Variants in TTN observed in about 807,000 individuals in gnomAD.
The protein encoded by TTN is titin.
A neutral mutation model predicts 3,223.0 loss-of-function variants in TTN; 1,525 were observed. That is an observed-to-expected ratio of 0.47 (90% confidence interval 0.45 to 0.49). The LOEUF is 0.49. Among genes scored for constraint, TTN ranks in the 20% least tolerant of loss-of-function variants. The pLI, the probability that TTN is intolerant of heterozygous loss-of-function variation, is 0.00. For synonymous variants in TTN, 14,094 were observed against 15,161.0 expected (o/e 0.93, Z 5.17); for missense variants, 40,786 against 43,424.0 (o/e 0.94, Z 5.40).
Position 178,578,051 on chromosome 2 carries a change from T to C in TTN, c.68464A>G (p.Asn22822Asp), listed in dbSNP as rs1002696442. Residue 22822 changes from asparagine (N) to aspartate (D), a missense_variant, in exon 322 of 363, where the codon AAT (asparagine) becomes GAT (aspartate). Asn to Asp is a conservative substitution (Grantham distance 23). Coordinates refer to ENST00000589042, the MANE Select transcript of TTN (RefSeq NM_001267550.2). Reference protein sequence around the residue: ...LEYEFRVMAINLAGVGKPSLP... With the variant: ...LEYEFRVMAIDLAGVGKPSLP... ...CTTGGCTTGCCCACACCTGCTAAATTGATTGCCATAACTCGGAATTCATAT... is the reference window on the plus strand; with the variant it reads ...CTTGGCTTGCCCACACCTGCTAAATCGATTGCCATAACTCGGAATTCATAT... The C allele has an allele frequency of 6.2e-7, 1 of 1,613,270 alleles. No homozygotes were observed. Among genetic ancestry groups the C allele is most frequent in the Non-Finnish European group, 8.5e-7 (1 of 1,179,484 alleles).
In TTN at chr2:178,715,213, G is replaced by A; in HGVS notation, c.25973C>T (p.Ala8658Val). The A allele has an allele frequency of 1.2e-6, 2 of 1,613,640 alleles. No homozygotes were observed. Among genetic ancestry groups the A allele is most frequent in the Non-Finnish European group, 1.7e-6 (2 of 1,179,674 alleles). Reference sequence around the variant, plus strand: ...AAGCTCACATTCAAGGTGAACATCAGCTCCTTTCAGTGTCTCTATAGGATG... The same window carrying A: ...AAGCTCACATTCAAGGTGAACATCAACTCCTTTCAGTGTCTCTATAGGATG... ...KPHPIETLKG[A>V]DVHLECELQG... Residue 8658 changes from alanine to valine, a missense_variant, in exon 90 of 363, where the codon GCT (alanine) becomes GTT (valine). Transcript: ENST00000589042.
At position 178,634,452 on chromosome 2, in the gene TTN, A is replaced by G. The variant is rs34706299; in HGVS notation, c.42329T>C (p.Val14110Ala). Reference protein sequence around the residue: ...IIADGKKHILVINDSQFDDEG... With the variant: ...IIADGKKHILAINDSQFDDEG... Reference sequence around the variant, plus strand: ...ATCATCAAATTGAGAATCATTAATAACAAGAATATGTTTCTTTCCATCAGC... The same window carrying G: ...ATCATCAAATTGAGAATCATTAATAGCAAGAATATGTTTCTTTCCATCAGC... Residue 14110 changes from valine (V) to alanine (A), a missense_variant, in exon 230 of 363, where the codon GTT becomes GCT. Physicochemically the swap from Val to Ala is moderately conservative, Grantham distance 64. Coordinates refer to ENST00000589042, the MANE Select transcript of TTN (RefSeq NM_001267550.2). The surrounding 1 kb of genome is among the most constrained non-coding windows in gnomAD (Gnocchi z 4.6). 432 of 1,613,250 alleles carry G rather than the reference A, an allele frequency of 2.7e-4. 1 individual carries two copies. The highest frequency in any genetic ancestry group is 7.5e-4 in the South Asian group (68 of 91,042).
intron 316 of TTN, 89 bp downstream of exon 316, chr2:178,581,410 T>C (rs2047710647): frequency 8.8e-7 from 1 of 1,140,138 alleles, no homozygotes; most frequent in African/African-American, 1.6e-5. Context: ...ACCTTGTTAA[T>C]AAATTAATCT....
chr2:178,663,496 C>T lies in TTN; in HGVS notation c.36553G>A (p.Val12185Ile), dbSNP rs746058452. ...ACTGGCACTTTCTTTTCAGGAACAA[C>T]TTCTTTGGGAGCCTCAGGCACTTGA... Reference protein sequence around the residue: ...PVKVPEAPKEVVPEKKVPVPP... With the variant: ...PVKVPEAPKEIVPEKKVPVPP... The change falls in exon 172 of 363, where the codon GTT becomes ATT. Residue 12185 changes from valine (V) to isoleucine (I), a missense_variant. Coordinates refer to ENST00000589042, the MANE Select transcript of TTN (RefSeq NM_001267550.2). 1 of 1,613,032 alleles carries T rather than the reference C, an allele frequency of 6.2e-7. No individual in the cohort carries two copies. The highest frequency in any genetic ancestry group is 8.5e-7 in the Non-Finnish European group (1 of 1,179,650).
rs149574119 is a variant in TTN at position 178,800,504 on chromosome 2, G to C, written c.474C>G (p.Leu158=). The part of the protein sequence containing the change: ...LDFQISQEGD[L]YSLLIAEAYP... ...ATGCTTCTGCAATCAGTAAGCTGTAGAGGTCGCCTTCTTGTGAAATTTGGA... is the reference window on the plus strand; with the variant it reads ...ATGCTTCTGCAATCAGTAAGCTGTACAGGTCGCCTTCTTGTGAAATTTGGA... The change falls in exon 4 of 363, where the codon CTC becomes CTG. Residue 158 remains leucine (L), a synonymous_variant. Coordinates refer to ENST00000589042, the MANE Select transcript of TTN (RefSeq NM_001267550.2). 17 of 1,614,196 alleles carry C rather than the reference G, an allele frequency of 1.1e-5. No individual in the cohort carries two copies. Among genetic ancestry groups the C allele is most frequent in the Non-Finnish European group, 1.4e-5 (17 of 1,180,020 alleles).
chr2:178,771,200 A>G lies in TTN; in HGVS notation c.8116+11T>C. On this transcript the variant is annotated intron_variant, in intron 34 of 362. Transcript: ENST00000589042. ...ATATGATTTGAAAAGGACAAATCCT[A>G]TGTTACTTGCCTTCAACTTTGAGTT... 1 of 1,613,860 alleles carries G rather than the reference A, an allele frequency of 6.2e-7. No homozygotes were observed.
intron 168 of TTN, 23 bp from the exon 169 acceptor site, chr2:178,664,121 A>G: frequency 1.3e-6 from 2 of 1,584,810 alleles, no homozygotes; most frequent in Non-Finnish European, 1.7e-6. Context: ...TAGTATTTTT[A>G]CACTCAGAAA....
chr2:178,765,222 GT>G (rs1209891845), intron 41 of TTN, among the ~76,000 whole-genome samples: 4 of 152,078 alleles, frequency 2.6e-5, no homozygotes, highest in Non-Finnish European at 5.9e-5. Flanking sequence ...CAGTTTGTTT[GT>G]TTTGCAAGTA....
At position 178,786,159 on chromosome 2, in the gene TTN, A is replaced by G; in HGVS notation, c.2077-18T>C. 1 of 1,612,920 alleles carries G rather than the reference A, an allele frequency of 6.2e-7. No individual in the cohort carries two copies. Among genetic ancestry groups the G allele is most frequent in the Non-Finnish European group, 8.5e-7 (1 of 1,179,652 alleles). On this transcript the variant is annotated intron_variant, in intron 13 of 362. Transcript: ENST00000589042. Reference sequence around the variant, plus strand: ...ACGTCCACCTGGAGACAAGGTTTCCAGAATTAATACATAGGAATATCGAGA... The same window carrying G: ...ACGTCCACCTGGAGACAAGGTTTCCGGAATTAATACATAGGAATATCGAGA...
At position 178,560,904 on chromosome 2, in the gene TTN, C is replaced by T; in HGVS notation, c.85228G>A (p.Asp28410Asn). Residue 28410 changes from aspartate (D) to asparagine (N), a missense_variant, in exon 326 of 363, where the codon GAC (aspartate) becomes AAC (asparagine). Transcript: ENST00000589042. ...TTAACTGTTAACAAAGTATGATTGT[C>T]TGTTGAGATGATTTCTGTTCTTGCT... Reference protein sequence around the residue: ...ERARTEIISTDNHTLLTVKDC... With the variant: ...ERARTEIISTNNHTLLTVKDC... The T allele has an allele frequency of 6.2e-7, 1 of 1,613,736 alleles. No individual in the cohort carries two copies.
rs778087108 is a variant in TTN, at chr2:178,706,569, A to G, written c.29305T>C (p.Tyr9769His). The part of the protein sequence containing the change: ...RDTTKTDSGL[Y>H]RCVAFNEHGE... ...TGTTCGTTAAATGCCACGCATCGGT[A>G]TAACCCAGAATCAGTTTTTGTGGTG... The change falls in exon 102 of 363, where the codon TAC becomes CAC. Residue 9769 changes from tyrosine to histidine, a missense_variant. By Grantham distance (83) the Tyr-to-His change is moderately conservative. Transcript: ENST00000589042. 3.1e-6 allele frequency: 5 copies of G among 1,613,832 alleles called. No individual in the cohort carries two copies. In the African/African-American group the frequency reaches 4.0e-5, roughly 13 times the overall value.
At position 178,622,736 on chromosome 2, in the gene TTN, G is replaced by T; in HGVS notation, c.44847C>A (p.Thr14949=). The change falls in exon 243 of 363, where the codon ACC becomes ACA. Residue 14949 remains threonine (T), a synonymous_variant. Transcript: ENST00000589042. ...TTTCTTTTTCTCTAACTTGAAGGTC[G>T]GTGAGTGGTCTTAAGAATTCCACAT... The part of the protein sequence containing the change: ...PPHVEFLRPL[T]DLQVREKEMA... 1.2e-6 allele frequency: 2 copies of T among 1,604,962 alleles called. No individual in the cohort carries two copies. The highest frequency in any genetic ancestry group is 4.5e-5 in the East Asian group (2 of 44,366).
chr2:178,533,334 C>T lies in TTN; in HGVS notation c.103281G>A (p.Leu34427=). The change falls in exon 358 of 363, where the codon TTG becomes TTA. Residue 34427 remains leucine (L), a synonymous_variant. Transcript: ENST00000589042. Reference sequence around the variant, plus strand: ...CTCTATAATAACCCGTGTCTTCAGGCAAAGTGTCCCTGATGTGCAGAGCAT... The same window carrying T: ...CTCTATAATAACCCGTGTCTTCAGGTAAAGTGTCCCTGATGTGCAGAGCAT... ...DYYALHIRDT[L]PEDTGYYRVT... is the part of the protein sequence containing the mutation. 2 of 1,613,734 alleles carry T rather than the reference C, an allele frequency of 1.2e-6. No individual in the cohort carries two copies. Among genetic ancestry groups the T allele is most frequent in the Admixed American group, 3.3e-5 (2 of 60,024 alleles).
chr2:178,548,235 C>T lies in TTN; in HGVS notation c.93391G>A (p.Val31131Ile). The change falls in exon 339 of 363, where the codon GTC (valine) becomes ATC (isoleucine). Residue 31131 changes from valine to isoleucine, a missense_variant. Transcript: ENST00000589042. The surrounding 1 kb of genome is among the most constrained non-coding windows in gnomAD (Gnocchi z 4.3). ...DVVDTSKSSA[V>I]LAWLKPDHDG... ...TGGTCAGGTTTAAGCCAAGCTAAGA[C>T]TGCGGAGGATTTGCTAGTATCAACA... 1 of 1,613,862 alleles carries T rather than the reference C, an allele frequency of 6.2e-7. No homozygotes were observed. Among genetic ancestry groups the T allele is most frequent in the African/African-American group, 1.3e-5 (1 of 75,034 alleles).
intron 250 of TTN, 173 bp from the exon 251 acceptor site, chr2:178,619,026 GTT>G: frequency 1.2e-6 from 1 of 853,090 alleles, no homozygotes; most frequent in Middle Eastern, 3.6e-4. Context: ...TTTTGTTGTT[GTT>G]GTGCGTGCAA....
chr2:178,635,463 T>C lies in TTN; in HGVS notation c.41861A>G (p.Tyr13954Cys). 1.2e-6 allele frequency: 2 copies of C among 1,607,454 alleles called. No individual in the cohort carries two copies. The highest frequency in any genetic ancestry group is 1.7e-6 in the Non-Finnish European group (2 of 1,176,712). Residue 13954 changes from tyrosine to cysteine, a missense_variant, in exon 227 of 363, where the codon TAC becomes TGC. By Grantham distance (194) the Tyr-to-Cys change is radical. Transcript: ENST00000589042. The part of the protein sequence containing the change: ...EYAVEIEGKR[Y>C]PAKLTLGERE... ...ACCTCCAAGTGTCAGCTTTGCAGGGTATCTTTTTCCTTCAATTTCCACTGC... is the reference window on the plus strand; with the variant it reads ...ACCTCCAAGTGTCAGCTTTGCAGGGCATCTTTTTCCTTCAATTTCCACTGC...
chr2:178,764,284 G>A lies in TTN; in HGVS notation c.10007C>T (p.Pro3336Leu). 6.2e-7 allele frequency: 1 copy of A among 1,614,024 alleles called. No homozygotes were observed. Among genetic ancestry groups the A allele is most frequent in the Middle Eastern group, 1.6e-4 (1 of 6,062 alleles). ...TGGATAAACAGGCATTTCCTGATCA[G>A]GAGACACAACTTCTGGAACTAAAGA... ...LSVEVPEVVSPDQEMPVYPPA... is the reference protein window; with the variant it reads ...LSVEVPEVVSLDQEMPVYPPA... Residue 3336 changes from proline (P) to leucine (L), a missense_variant, in exon 43 of 363, where the codon CCT becomes CTT. By Grantham distance (98) the Pro-to-Leu change is moderately conservative. Coordinates refer to ENST00000589042, the MANE Select transcript of TTN (RefSeq NM_001267550.2).
At position 178,673,543 on chromosome 2, in the gene TTN, T is replaced by C. The variant is rs1026658115; in HGVS notation, c.34786+90A>G. 5.4e-6 allele frequency: 5 copies of C among 925,232 alleles called. No homozygotes were observed. In the African/African-American group the frequency reaches 8.6e-5, roughly 16 times the overall value. The allele number at this position is 925,232 out of a possible 1,614,324, so 57.3% of individuals were successfully genotyped here. A position where few individuals can be genotyped will look rare whatever the true frequency, so the allele number is the denominator to read the frequency against. ...TTAATCAGTTCACTATCTAAATGAT[T>C]ATAAGAAGGCAGTCAAAAAAGAAAA... On this transcript the variant is annotated intron_variant, in intron 152 of 362. Transcript: ENST00000589042.
In TTN at chr2:178,574,091, G is replaced by A; in HGVS notation, c.72041C>T (p.Pro24014Leu). 6.2e-7 allele frequency: 1 copy of A among 1,613,420 alleles called. No individual in the cohort carries two copies. The highest frequency in any genetic ancestry group is 8.5e-7 in the Non-Finnish European group (1 of 1,179,558). ...ATCCCTGCAAGTGATAGCATCAGAT[G>A]GCTCAGATGGTGGACTGATGGCACC... The part of the protein sequence containing the change: ...AAGAISPPSE[P>L]SDAITCRDDV... The change falls in exon 326 of 363, where the codon CCA (proline) becomes CTA (leucine). Residue 24014 changes from proline to leucine, a missense_variant. Coordinates refer to ENST00000589042, the MANE Select transcript of TTN (RefSeq NM_001267550.2).
Sources: allele counts gnomAD v4.1 joint callset (sites outside exome capture counted in the v4.1 genomes callset), GRCh38; gene constraint gnomAD v4.1.1; non-coding constraint Gnocchi (gnomAD v3.1); transcripts MANE v1.5; gene names NCBI Gene and HGNC (gene_info 2026-07-23, HGNC 2026-07-21).